The following SPTBN1 variants were observed in gnomAD, a reference collection of about 807,000 sequenced individuals.
SPTBN1 encodes the protein spectrin beta chain, non-erythrocytic 1.
Under a neutral mutation model 266.4 loss-of-function variants are expected in SPTBN1, and 32 were observed. The observed-to-expected ratio is 0.12, with a 90% CI of 0.09 to 0.16. The LOEUF (loss-of-function observed/expected upper bound fraction) is 0.16, where lower values mean the gene tolerates loss of function less well. Ranked by LOEUF, SPTBN1 falls within the 10% of genes least tolerant of loss-of-function variation. The probability of loss-of-function intolerance (pLI) is 1.00; values close to 1 mark genes in which losing one functional copy is unlikely to be tolerated. For missense variants in SPTBN1, 2,296 were observed against 3,067.1 expected (o/e 0.75, Z 5.94); for synonymous variants, 1,336 against 1,162.2 (o/e 1.15, Z -3.04).
chr2:54,653,808 G>A lies in SPTBN1; in HGVS notation c.5777G>A (p.Trp1926Ter). The A allele has an allele frequency of 6.2e-7, 1 of 1,613,922 alleles. No individual in the cohort carries two copies. The highest frequency in any genetic ancestry group is 8.5e-7 in the Non-Finnish European group (1 of 1,179,958). Residue 1926 changes from tryptophan to a stop codon, truncating the protein, a stop_gained, in exon 27 of 36, where the codon TGG becomes TAG. Coordinates refer to ENST00000356805, the MANE Select transcript of SPTBN1 (RefSeq NM_003128.3). LOFTEE classifies it high-confidence loss of function. This position sits in a 1 kb window ranked among gnomAD's most constrained non-coding sequence, Gnocchi z 5.1. ...FFSMVRDLML[W>*]MEDVIRQIEA... ...AGCATGGTGCGCGACCTCATGCTCT[G>A]GATGGAGGATGTCATCCGGCAGATC...
intron 2 of SPTBN1, among the ~76,000 whole-genome samples, chr2:54,560,994 T>A (rs1410503273): frequency 6.6e-6 from 1 of 152,238 alleles, no homozygotes; most frequent in East Asian, 1.9e-4. Flanking sequence ...GTTCTGATTA[T>A]CACATATTTT....
chr2:54,557,964 C>T (rs973099603), intron 2 of SPTBN1: 2 of 984,912 alleles, frequency 2.0e-6, no homozygotes, highest in East Asian at 2.3e-4. Context: ...AGGTGCGGGC[C>T]GCGTTACCTC....
intron 1 of SPTBN1, among the ~76,000 whole-genome samples, chr2:54,487,148 T>A (rs1223898526): frequency 1.3e-5 from 2 of 151,830 alleles, no homozygotes; most frequent in African/African-American, 4.8e-5. Context: ...TATAGCTTTT[T>A]CTGATTTCCT....
At chr2:54,581,484 C>T (rs1674898263) in intron 2 of SPTBN1, among the ~76,000 whole-genome samples, 2 of 151,860 alleles carry the variant, frequency 1.3e-5, no homozygotes, top group Admixed American at 1.3e-4. Context: ...TGAACTTCCA[C>T]TGCCTCTGGG....
At chr2:54,514,984 T>C (rs1329187732) in intron 1 of SPTBN1, among the ~76,000 whole-genome samples, 1 of 152,018 alleles carries the variant, frequency 6.6e-6, no homozygotes, top group East Asian at 1.9e-4. Context: ...GGTTTAGGAG[T>C]CATGCTGCTG....
intron 18 of SPTBN1, among the ~76,000 whole-genome samples, chr2:54,641,472 A>G (rs1196939756): frequency 1.3e-5 from 2 of 152,248 alleles, no homozygotes; most frequent in African/African-American, 2.4e-5. Flanking sequence ...CTAAGATTGA[A>G]TAGCCATAGT....
intron 1 of SPTBN1, among the ~76,000 whole-genome samples, chr2:54,493,814 A>G (rs1042993404): frequency 9.2e-5 from 14 of 152,222 alleles, no homozygotes; most frequent in African/African-American, 2.7e-4. Flanking sequence ...CCCATGTTGT[A>G]TTACTTAATA....
At chr2:54,630,572 T>G (rs567382606) in intron 15 of SPTBN1, among the ~76,000 whole-genome samples, 1 of 152,214 alleles carries the variant, frequency 6.6e-6, no homozygotes, top group Non-Finnish European at 1.5e-5. Flanking sequence ...CAGACATGAA[T>G]TAATTGACTC....
intron 2 of SPTBN1, among the ~76,000 whole-genome samples, chr2:54,583,693 G>C (rs1242620989): frequency 6.6e-6 from 1 of 152,136 alleles, no homozygotes; most frequent in East Asian, 1.9e-4. Flanking sequence ...TACCAATTTA[G>C]TATGCCCCAG....
intron 2 of SPTBN1, among the ~76,000 whole-genome samples, chr2:54,555,676 G>C (rs1014000330): frequency 6.6e-6 from 1 of 152,068 alleles, no homozygotes; most frequent in Non-Finnish European, 1.5e-5. Context: ...CTCCAGACCA[G>C]GCTTAGTTCT....
At chr2:54,488,041 G>A (rs904154144) in intron 1 of SPTBN1, among the ~76,000 whole-genome samples, 1 of 151,782 alleles carries the variant, frequency 6.6e-6, no homozygotes, top group South Asian at 2.1e-4. Flanking sequence ...GTGTTGGCCA[G>A]GATGGTCTTG....
chr2:54,508,167 C>A (rs565472959), intron 1 of SPTBN1, among the ~76,000 whole-genome samples: 1 of 152,036 alleles, frequency 6.6e-6, no homozygotes, highest in Non-Finnish European at 1.5e-5. Flanking sequence ...TAGTAAAGGC[C>A]GGTCCGTTAT....
At chr2:54,529,548 G>C in intron 2 of SPTBN1, 1 of 713,844 alleles carries the variant, frequency 1.4e-6, no homozygotes, top group Non-Finnish European at 2.6e-6. Context: ...ACCCCCAGGA[G>C]AAACAAGCTT....
chr2:54,653,624 G>A lies in SPTBN1; in HGVS notation c.5593G>A (p.Glu1865Lys). Residue 1865 changes from glutamate to lysine, a missense_variant, in exon 27 of 36, where the codon GAG (glutamate) becomes AAG (lysine). Glu to Lys is a moderately conservative substitution (Grantham distance 56). Around this residue, in one of 12 missense-constraint regions of SPTBN1, gnomAD observed 644 missense variants for 745.3 expected, o/e 0.86. Transcript: ENST00000356805. The surrounding 1 kb of genome is among the most constrained non-coding windows in gnomAD (Gnocchi z 5.1). ...ALGTQVRQLQ[E>K]DAARLQAAYA... ...GGCTTCACAGGTGAGGCAGCTGCAG[G>A]AGGATGCAGCCCGCCTCCAGGCGGC... 6.2e-7 allele frequency: 1 copy of A among 1,613,640 alleles called. No individual in the cohort carries two copies. The highest frequency in any genetic ancestry group is 8.5e-7 in the Non-Finnish European group (1 of 1,179,900).
intron 2 of SPTBN1, among the ~76,000 whole-genome samples, chr2:54,571,304 C>T (rs1674048238): frequency 6.6e-6 from 1 of 152,152 alleles, no homozygotes; most frequent in Admixed American, 6.5e-5. Flanking sequence ...CTACCAGTGA[C>T]TTCACTGAGC....
In SPTBN1 at chr2:54,627,125, T is replaced by G. The variant is rs150271442; in HGVS notation, c.1644+891T>G. Among the ~76,000 whole-genome samples the G allele has an allele frequency of 3.7e-4, 57 of 152,226 alleles. No homozygotes were observed. The East Asian group carries it at 0.011, about 29-fold the overall frequency. ...CCTTCCCAGGATATAAGCTGTCATCTGTTGCCTACCTCTTGGACTGTTCCT... is the reference window on the plus strand; with the variant it reads ...CCTTCCCAGGATATAAGCTGTCATCGGTTGCCTACCTCTTGGACTGTTCCT... On this transcript the variant is annotated intron_variant, in intron 12 of 35. Transcript: ENST00000356805.
intron 2 of SPTBN1, among the ~76,000 whole-genome samples, chr2:54,571,360 G>C (rs1674051670): frequency 6.6e-6 from 1 of 152,102 alleles, no homozygotes; most frequent in Admixed American, 6.6e-5. Context: ...TGGGGTGATT[G>C]TAAAGCCTAA....
chr2:54,668,036 C>T (rs1353133026), intron 35 of SPTBN1, among the ~76,000 whole-genome samples: 2 of 152,170 alleles, frequency 1.3e-5, no homozygotes, highest in Non-Finnish European at 2.9e-5. Flanking sequence ...AAAAACAACA[C>T]CTGTAATGCT....
chr2:54,578,768 GT>G (rs1174988829), intron 2 of SPTBN1, among the ~76,000 whole-genome samples: 3 of 151,868 alleles, frequency 2.0e-5, no homozygotes, highest in African/African-American at 7.3e-5. Flanking sequence ...GTGTGTGTGT[GT>G]GTGTGTGTGA....
Sources: allele counts gnomAD v4.1 joint callset (sites outside exome capture counted in the v4.1 genomes callset), GRCh38; gene constraint gnomAD v4.1.1; regional missense constraint gnomAD v4.1.1; non-coding constraint Gnocchi (gnomAD v3.1); transcripts MANE v1.5; gene names NCBI Gene and HGNC (gene_info 2026-07-23, HGNC 2026-07-21).